The following NEDD4L variants were observed in gnomAD, a reference collection of about 807,000 sequenced individuals.
The protein encoded by NEDD4L is NEDD4 like E3 ubiquitin protein ligase, also known as E3 ubiquitin-protein ligase NEDD4-like.
Under a neutral mutation model 148.9 loss-of-function variants are expected in NEDD4L, and 54 were observed. The observed-to-expected ratio is 0.36, with a 90% confidence interval of 0.29 to 0.45. NEDD4L has a LOEUF of 0.45. Ranked by LOEUF, NEDD4L falls within the 20% of genes least tolerant of loss-of-function variation. The probability of loss-of-function intolerance (pLI) is 1.00; values close to 1 mark genes in which losing one functional copy is unlikely to be tolerated. For missense variants in NEDD4L, 856 were observed against 1,233.8 expected, an observed-to-expected ratio of 0.69 and a Z score of 4.59; for synonymous variants, 433 against 440.7, an observed-to-expected ratio of 0.98 and a Z score of 0.22.
intron 16 of NEDD4L, among the ~76,000 whole-genome samples, chr18:58,344,584 A>T (rs1209457218): frequency 2.0e-5 from 3 of 152,230 alleles, no homozygotes; most frequent in African/African-American, 7.2e-5. Context: ...CATTTGGTAA[A>T]CTGATAACTG....
chr18:58,226,486 A>G (rs1217205893), intron 2 of NEDD4L, among the ~76,000 whole-genome samples: 4 of 152,182 alleles, frequency 2.6e-5, no homozygotes, highest in Non-Finnish European at 5.9e-5. Flanking sequence ...CAACTAAAGG[A>G]TAAATACTGA....
intron 1 of NEDD4L, among the ~76,000 whole-genome samples, chr18:58,096,545 A>C (rs2084423673): frequency 6.6e-6 from 1 of 152,092 alleles, no homozygotes; most frequent in South Asian, 2.1e-4. Flanking sequence ...CTGGGATTAC[A>C]GGCATGCACC....
At chr18:58,085,081 G>A (rs953209209) in intron 1 of NEDD4L, among the ~76,000 whole-genome samples, 4 of 152,162 alleles carry the variant, frequency 2.6e-5, no homozygotes, top group South Asian at 2.1e-4. Context: ...AGAGCCCAGC[G>A]TAATGGCCTC....
At chr18:58,346,277 C>A (rs754391569) in intron 16 of NEDD4L, among the ~76,000 whole-genome samples, 1 of 152,218 alleles carries the variant, frequency 6.6e-6, no homozygotes, top group Non-Finnish European at 1.5e-5. Flanking sequence ...ACCTTGTAAG[C>A]ACTGACATGA....
intron 2 of NEDD4L, among the ~76,000 whole-genome samples, chr18:58,220,539 T>C (rs145015997): frequency 5.8e-4 from 88 of 152,314 alleles, no homozygotes; most frequent in African/African-American, 2.0e-3. Flanking sequence ...TCCGTTCATC[T>C]TCCCCCCACC....
At chr18:58,310,302 A>G (rs540107991) in intron 5 of NEDD4L, among the ~76,000 whole-genome samples, 67 of 152,310 alleles carry the variant, frequency 4.4e-4, no homozygotes, top group African/African-American at 1.5e-3. Flanking sequence ...TGTATAACTG[A>G]ATGGCAGATT....
At chr18:58,104,907 G>C (rs2084979632) in intron 1 of NEDD4L, among the ~76,000 whole-genome samples, 1 of 138,772 alleles carries the variant, frequency 7.2e-6, no homozygotes, top group African/African-American at 2.7e-5. Flanking sequence ...ACAGCACGTT[G>C]TTGCAGGGAG....
chr18:58,118,618 A>G (rs376095532), intron 1 of NEDD4L, among the ~76,000 whole-genome samples: 7 of 151,716 alleles, frequency 4.6e-5, no homozygotes, highest in African/African-American at 1.7e-4. Flanking sequence ...GTTTGTGTGT[A>G]TGTATGTGTC....
intron 5 of NEDD4L, among the ~76,000 whole-genome samples, chr18:58,255,113 C>G (rs778490848): frequency 6.0e-4 from 92 of 152,258 alleles, no homozygotes; most frequent in Non-Finnish European, 1.0e-3. Flanking sequence ...ATGCCAGGTC[C>G]CTGCACTGGT....
rs2050499279 is a variant in NEDD4L at position 58,396,491 on chromosome 18, C to T, written c.*222C>T. 2.2e-6 allele frequency: 1 copy of T among 445,434 alleles called. No individual in the cohort carries two copies. Among genetic ancestry groups the T allele is most frequent in the Non-Finnish European group, 4.1e-6 (1 of 244,314 alleles). 27.6% of individuals were successfully genotyped at this position (445,434 alleles called of 1,614,324 possible). A position where few individuals can be genotyped will look rare whatever the true frequency, so the allele number is the denominator to read the frequency against. On this transcript the variant is annotated 3_prime_UTR_variant, in exon 31 of 31. Coordinates refer to ENST00000400345, the MANE Select transcript of NEDD4L (RefSeq NM_001144967.3). Reference sequence around the variant, plus strand: ...CAAATTATCAACTGGTTGATGTGTACACTAATTACATTTCAGGAGGACTTA... The same window carrying T: ...CAAATTATCAACTGGTTGATGTGTATACTAATTACATTTCAGGAGGACTTA...
chr18:58,205,297 A>G (rs1201249547), intron 2 of NEDD4L, among the ~76,000 whole-genome samples: 1 of 151,860 alleles, frequency 6.6e-6, no homozygotes, highest in Non-Finnish European at 1.5e-5. Flanking sequence ...TAACACACCA[A>G]GTAATCTGTT....
intron 24 of NEDD4L, among the ~76,000 whole-genome samples, chr18:58,382,904 T>C (rs2048535483): frequency 6.6e-6 from 1 of 152,238 alleles, no homozygotes; most frequent in African/African-American, 2.4e-5. Context: ...TTCTGGAGTC[T>C]TGATGGGTGT....
chr18:58,323,263 T>C lies in NEDD4L; in HGVS notation c.442T>C (p.Leu148=). The change falls in exon 8 of 31, where the codon TTG becomes CTG. Residue 148 remains leucine (L), a synonymous_variant. Transcript: ENST00000400345. ...HKSRVKGFLR[L]KMAYMPKNGG... is the part of the protein sequence containing the mutation. Reference sequence around the variant, plus strand: ...GTCTCGAGTTAAGGGATTTTTGCGATTGAAAATGGCCTATATGCCAAAAAA... The same window carrying C: ...GTCTCGAGTTAAGGGATTTTTGCGACTGAAAATGGCCTATATGCCAAAAAA... The C allele has an allele frequency of 6.2e-7, 1 of 1,605,292 alleles. No homozygotes were observed. The highest frequency in any genetic ancestry group is 1.1e-5 in the South Asian group (1 of 88,824).
At chr18:58,395,476 C>T (rs1051180900) in intron 30 of NEDD4L, among the ~76,000 whole-genome samples, 8 of 152,164 alleles carry the variant, frequency 5.3e-5, no homozygotes, top group African/African-American at 1.9e-4. Context: ...ATTGCCAGGG[C>T]GATTTGCAGC....
At chr18:58,371,382 T>C (rs2046861181) in intron 23 of NEDD4L, among the ~76,000 whole-genome samples, 1 of 152,078 alleles carries the variant, frequency 6.6e-6, no homozygotes, top group Admixed American at 6.5e-5. Flanking sequence ...AAATTGATGT[T>C]CTTTTTATAA....
intron 2 of NEDD4L, among the ~76,000 whole-genome samples, chr18:58,172,410 G>T (rs946063248): frequency 6.6e-6 from 1 of 152,178 alleles, no homozygotes; most frequent in Admixed American, 6.5e-5. Context: ...TTCTTAACAC[G>T]GGGGTAAGGA....
chr18:58,274,176 T>G (rs917910337), intron 5 of NEDD4L, among the ~76,000 whole-genome samples: 1 of 152,164 alleles, frequency 6.6e-6, no homozygotes, highest in Non-Finnish European at 1.5e-5. Context: ...GAAGCCATCT[T>G]GGATGCTCCA....
intron 1 of NEDD4L, among the ~76,000 whole-genome samples, chr18:58,061,163 C>G (rs547572691): frequency 6.6e-6 from 1 of 152,178 alleles, no homozygotes; most frequent in Non-Finnish European, 1.5e-5. Context: ...CAGTACAGCT[C>G]CCACAACGAT....
At chr18:58,346,368 T>G (rs948726314) in intron 16 of NEDD4L, among the ~76,000 whole-genome samples, 3 of 152,216 alleles carry the variant, frequency 2.0e-5, no homozygotes, top group Non-Finnish European at 4.4e-5. Context: ...ACTGCAAATA[T>G]TTTGAAATTC....
Sources: allele counts gnomAD v4.1 joint callset (sites outside exome capture counted in the v4.1 genomes callset), GRCh38; gene constraint gnomAD v4.1.1; transcripts MANE v1.5; gene names NCBI Gene and HGNC (gene_info 2026-07-23, HGNC 2026-07-21).